NPIPA5: variants seen among roughly 807,000 people sequenced by gnomAD.
NPIPA5 encodes nuclear pore complex interacting protein family member A5, also known as nuclear pore complex-interacting protein family member A5.
In NPIPA5, 6 loss-of-function variants were observed where a neutral mutation model predicts 21.4. The ratio of observed to expected loss-of-function variants is 0.28; its 90% confidence interval spans 0.15 to 0.55. The LOEUF (loss-of-function observed/expected upper bound fraction) is 0.55, where lower values mean the gene tolerates loss of function less well. NPIPA5 is among the 20% of genes least tolerant of loss of function. The pLI, the probability that NPIPA5 is intolerant of heterozygous loss-of-function variation, is 0.93. For missense variants in NPIPA5, 99 were observed against 318.2 expected (o/e 0.31, Z 5.24); for synonymous variants, 33 against 115.3 (o/e 0.29, Z 4.57).
At chr16:15,370,531 C>G (rs922790741) in intron 2 of NPIPA5, among the ~76,000 whole-genome samples, 2 of 146,766 alleles carry the variant, frequency 1.4e-5, no homozygotes, top group African/African-American at 5.0e-5. Flanking sequence ...GCAGGCGGAA[C>G]ACCTGAGGTC....
chr16:15,380,169 T>A (rs1250038354), upstream of NPIPA5, among the ~76,000 whole-genome samples: 3 of 152,028 alleles, frequency 2.0e-5, no homozygotes, highest in Non-Finnish European at 4.4e-5. Context: ...AAAAAATATG[T>A]ATTACATGTT....
chr16:15,375,734 T>A (rs1461862029), intron 1 of NPIPA5, among the ~76,000 whole-genome samples: 2 of 133,500 alleles, frequency 1.5e-5, no homozygotes, highest in Non-Finnish European at 3.2e-5. Context: ...AGAGCGAGAC[T>A]CTGTCTCAAA....
upstream of NPIPA5, chr16:15,380,988 G>A (rs774495455): frequency 9.3e-6 from 14 of 1,502,448 alleles, no homozygotes; most frequent in African/African-American, 1.9e-4. Flanking sequence ...GCTCCTTGGT[G>A]AGCTGGCCCT....
At chr16:15,379,145 G>A (rs2050378043), upstream of NPIPA5, among the ~76,000 whole-genome samples, 1 of 152,192 alleles carries the variant, frequency 6.6e-6, no homozygotes, top group Non-Finnish European at 1.5e-5. Context: ...GAAAAGCACT[G>A]CTTTAAATCC....
At chr16:15,377,760 A>C (rs970952190) in intron 1 of NPIPA5, among the ~76,000 whole-genome samples, 8 of 147,846 alleles carry the variant, frequency 5.4e-5, no homozygotes, top group African/African-American at 2.0e-4. Flanking sequence ...GATCCGGTTC[A>C]AATTAAGTTC....
At chr16:15,367,040 T>C (rs1011239622) in intron 4 of NPIPA5, among the ~76,000 whole-genome samples, 100 of 152,232 alleles carry the variant, frequency 6.6e-4, no homozygotes, top group Middle Eastern at 3.4e-3. Context: ...TATTAAAAGC[T>C]TCTATGAGGT....
At chr16:15,379,737 G>A (rs559754171), upstream of NPIPA5, among the ~76,000 whole-genome samples, 331 of 152,224 alleles carry the variant, frequency 2.2e-3, 3 homozygotes, top group African/African-American at 7.8e-3. Flanking sequence ...CACGAGGTTA[G>A]GGGTTGACAC....
In NPIPA5 at chr16:15,363,847, G is replaced by C; in HGVS notation, c.865C>G (p.Leu289Val). ...GCTGAGGGTGGAAGGGGAGTGAGCA[G>C]ACACTCGGGAGGTGTCTTGAGATTA... Reference protein sequence around the residue: ...DDNLKTPPECLLTPLPPSALP... With the variant: ...DDNLKTPPECVLTPLPPSALP... Residue 289 changes from leucine (L) to valine (V), a missense_variant, in exon 8 of 8, where the codon CTG (leucine) becomes GTG (valine). Leu to Val is a conservative substitution (Grantham distance 32). Coordinates refer to ENST00000360151, the MANE Select transcript of NPIPA5 (RefSeq NM_001277325.2). The C allele has an allele frequency of 1.3e-6, 2 of 1,585,222 alleles. No homozygotes were observed. Among genetic ancestry groups the C allele is most frequent in the Non-Finnish European group, 1.7e-6 (2 of 1,171,052 alleles).
chr16:15,373,962 A>G (rs996137909), intron 1 of NPIPA5, 119 bp from the exon 2 acceptor site: 3 of 107,978 alleles, frequency 2.8e-5, no homozygotes, highest in Middle Eastern at 3.4e-3. Context: ...TCCCTCAGAT[A>G]TCACCGTGGG....
At chr16:15,375,382 TAA>T (rs534006744) in intron 1 of NPIPA5, among the ~76,000 whole-genome samples, 4 of 87,092 alleles carry the variant, frequency 4.6e-5, no homozygotes, top group African/African-American at 1.1e-4. Flanking sequence ...TCAGCATAAG[TAA>T]AAAAAAAAAA....
At chr16:15,376,755 A>G (rs1230376325) in intron 1 of NPIPA5, among the ~76,000 whole-genome samples, 1 of 151,572 alleles carries the variant, frequency 6.6e-6, no homozygotes, top group Non-Finnish European at 1.5e-5. Context: ...TCTCTACTAA[A>G]AATACAAAAA....
chr16:15,372,586 C>T (rs1255009972), intron 2 of NPIPA5, among the ~76,000 whole-genome samples: 1 of 145,492 alleles, frequency 6.9e-6, no homozygotes, highest in Non-Finnish European at 1.5e-5. Flanking sequence ...GCCTAGATAT[C>T]TTCATAACTC....
At chr16:15,377,659 GGGGAGGGGAAGGGGA>G (rs2150886347) in intron 1 of NPIPA5, among the ~76,000 whole-genome samples, 1 of 111,516 alleles carries the variant, frequency 9.0e-6, no homozygotes, top group African/African-American at 3.4e-5. Flanking sequence ...GGAAGGGGAA[GGGGAGGGGAAGGGGA>G]GAAGTAAGGG....
chr16:15,368,333 A>C lies in NPIPA5; in HGVS notation c.437+1379T>G, dbSNP rs878868606. On this transcript the variant is annotated intron_variant, in intron 4 of 7. Coordinates refer to ENST00000360151, the MANE Select transcript of NPIPA5 (RefSeq NM_001277325.2). ...GCCTTTGTAGGGACTGAGCCTGCAC[A>C]GACGACCTCAATTGCAGCCTGTATG... 4.6e-5 allele frequency among the ~76,000 whole-genome samples: 7 copies of C among 151,940 alleles called. No homozygotes were observed. The South Asian group carries it at 1.0e-3, about 23-fold the overall frequency.
chr16:15,381,392 C>T (rs1481269878), upstream of NPIPA5: 5 of 535,914 alleles, frequency 9.3e-6, no homozygotes, highest in East Asian at 3.0e-4. Flanking sequence ...GGATCCATTT[C>T]ACTATTATTG....
chr16:15,379,969 A>ATGTG (rs1016533368), upstream of NPIPA5, among the ~76,000 whole-genome samples: 1 of 149,064 alleles, frequency 6.7e-6, no homozygotes, highest in Admixed American at 6.7e-5. Flanking sequence ...ATATATATAT[A>ATGTG]TGTGTGTGTG....
intron 4 of NPIPA5, among the ~76,000 whole-genome samples, chr16:15,368,324 A>C (rs1211936458): frequency 6.6e-6 from 1 of 151,730 alleles, no homozygotes; most frequent in Non-Finnish European, 1.5e-5. Context: ...GTAGGGACTG[A>C]GCCTGCACAG....
chr16:15,369,080 A>C (rs1393101780), intron 4 of NPIPA5, among the ~76,000 whole-genome samples: 1 of 147,330 alleles, frequency 6.8e-6, no homozygotes, highest in African/African-American at 2.5e-5. Flanking sequence ...TCAAACTGGG[A>C]GGCAGAGGTT....
At chr16:15,366,094 CA>C (rs1215938901) in intron 5 of NPIPA5, among the ~76,000 whole-genome samples, 3 of 19,524 alleles carry the variant, frequency 1.5e-4, no homozygotes, top group Non-Finnish European at 2.2e-4. Context: ...AAAACAAAAA[CA>C]AAAAAAACTG....
Sources: gnomAD v4.1 joint callset for allele counts (sites outside exome capture counted in the v4.1 genomes callset) on GRCh38, gnomAD v4.1.1 for gene constraint, MANE v1.5 for transcripts, NCBI Gene and HGNC (gene_info 2026-07-23, HGNC 2026-07-21) for gene names.